CNTNAP2: variants seen among roughly 807,000 people sequenced by gnomAD.
The protein encoded by CNTNAP2 is contactin-associated protein-like 2.
A neutral mutation model predicts 155.2 loss-of-function variants in CNTNAP2; 98 were observed. The observed-to-expected ratio is 0.63, with a 90% confidence interval of 0.54 to 0.75. The LOEUF is 0.75. Ranked by LOEUF, CNTNAP2 falls within the 30% of genes least tolerant of loss-of-function variation. CNTNAP2 has a pLI of 0.00. For synonymous variants in CNTNAP2, 651 were observed against 631.2 expected (o/e 1.03, Z -0.47); for missense variants, 1,727 against 1,688.1 (o/e 1.02, Z -0.40).
chr7:146,164,614 C>T (rs1388804087), intron 1 of CNTNAP2, among the ~76,000 whole-genome samples: 2 of 152,170 alleles, frequency 1.3e-5, no homozygotes, highest in Non-Finnish European at 2.9e-5. Context: ...TCTCAGTTTC[C>T]TTCTCATTTG....
At chr7:147,590,486 G>A (rs938832552) in intron 12 of CNTNAP2, among the ~76,000 whole-genome samples, 1 of 152,102 alleles carries the variant, frequency 6.6e-6, no homozygotes, top group Non-Finnish European at 1.5e-5. Flanking sequence ...CTGTGAAGAG[G>A]TGCCTTCCGC....
At chr7:148,214,314 G>A (rs1157089759) in intron 18 of CNTNAP2, among the ~76,000 whole-genome samples, 3 of 152,208 alleles carry the variant, frequency 2.0e-5, no homozygotes, top group Admixed American at 6.5e-5. Context: ...CATTTAGGTA[G>A]TGAGATGGGG....
intron 2 of CNTNAP2, among the ~76,000 whole-genome samples, chr7:146,813,007 G>T (rs1254129871): frequency 6.6e-6 from 1 of 152,206 alleles, no homozygotes; most frequent in Non-Finnish European, 1.5e-5. Flanking sequence ...AAGAACTGAG[G>T]TTTGAGAACC....
chr7:146,622,710 A>T (rs1364043765), intron 1 of CNTNAP2, among the ~76,000 whole-genome samples: 2 of 152,030 alleles, frequency 1.3e-5, no homozygotes, highest in African/African-American at 4.8e-5. Context: ...TAATCCTAGC[A>T]CTTTGGGAGG....
chr7:147,413,794 C>T (rs1339414363), intron 10 of CNTNAP2, among the ~76,000 whole-genome samples: 1 of 152,124 alleles, frequency 6.6e-6, no homozygotes, highest in Non-Finnish European at 1.5e-5. Flanking sequence ...CCAGCCTCTG[C>T]ATCTGGGCCC....
intron 1 of CNTNAP2, among the ~76,000 whole-genome samples, chr7:146,398,303 G>GCTAGGA (rs1795663757): frequency 1.3e-5 from 2 of 151,394 alleles, no homozygotes; most frequent in African/African-American, 4.9e-5. Flanking sequence ...AGGAATCAGG[G>GCTAGGA]AACTTATAAT....
At chr7:146,403,772 A>C (rs932751576) in intron 1 of CNTNAP2, among the ~76,000 whole-genome samples, 2 of 152,146 alleles carry the variant, frequency 1.3e-5, no homozygotes, top group Admixed American at 6.5e-5. Flanking sequence ...ACCTCTCCAA[A>C]CATAGGTCTA....
intron 1 of CNTNAP2, among the ~76,000 whole-genome samples, chr7:146,557,865 G>C (rs1798219926): frequency 6.6e-6 from 1 of 152,138 alleles, no homozygotes; most frequent in African/African-American, 2.4e-5. Context: ...TTAGAGGTGA[G>C]AGTTATAGTT....
intron 3 of CNTNAP2, among the ~76,000 whole-genome samples, chr7:147,037,890 C>T (rs1230832570): frequency 6.6e-6 from 1 of 152,158 alleles, no homozygotes; most frequent in Non-Finnish European, 1.5e-5. Context: ...CATATATTTA[C>T]AGCTTTGTAA....
In CNTNAP2 at chr7:146,610,811, T is replaced by C. The variant is rs546752075; in HGVS notation, c.98-163460T>C. On this transcript the variant is annotated intron_variant, in intron 1 of 23. Coordinates refer to ENST00000361727, the MANE Select transcript of CNTNAP2 (RefSeq NM_014141.6). Reference sequence around the variant, plus strand: ...TTTAACACGTAAACCTATCCTGAATTGGAATATGTTTTGAAAATGTTCCAT... The same window carrying C: ...TTTAACACGTAAACCTATCCTGAATCGGAATATGTTTTGAAAATGTTCCAT... Among the ~76,000 whole-genome samples the C allele has an allele frequency of 3.8e-4, 58 of 152,292 alleles. No homozygotes were observed. The South Asian group carries it at 4.1e-3, about 11-fold the overall frequency.
chr7:147,267,933 C>T (rs898498837), intron 8 of CNTNAP2, among the ~76,000 whole-genome samples: 2 of 152,148 alleles, frequency 1.3e-5, no homozygotes, highest in South Asian at 4.1e-4. Flanking sequence ...GTCCCTGTGA[C>T]ATTTCTGGTC....
chr7:147,950,105 G>C (rs1358991818), intron 14 of CNTNAP2, among the ~76,000 whole-genome samples: 1 of 151,872 alleles, frequency 6.6e-6, no homozygotes, highest in African/African-American at 2.4e-5. Context: ...CAGAATCCTG[G>C]GGGGTGTTTC....
At chr7:147,456,657 T>C (rs750510744) in intron 10 of CNTNAP2, among the ~76,000 whole-genome samples, 2 of 152,000 alleles carry the variant, frequency 1.3e-5, no homozygotes, top group Non-Finnish European at 2.9e-5. Context: ...TGTGAAGCAG[T>C]ACTTTAGAAA....
intron 2 of CNTNAP2, among the ~76,000 whole-genome samples, chr7:146,791,582 G>A (rs770739477): frequency 3.3e-5 from 5 of 152,194 alleles, no homozygotes; most frequent in Non-Finnish European, 7.3e-5. Flanking sequence ...CACACAGTCA[G>A]TGGTTATGAC....
At chr7:147,686,253 T>C (rs1796016694) in intron 13 of CNTNAP2, among the ~76,000 whole-genome samples, 1 of 151,880 alleles carries the variant, frequency 6.6e-6, no homozygotes, top group African/African-American at 2.4e-5. Flanking sequence ...CAATATGAAA[T>C]ATGACAGAAA....
intron 12 of CNTNAP2, among the ~76,000 whole-genome samples, chr7:147,594,377 C>G (rs1324941825): frequency 6.6e-6 from 1 of 152,094 alleles, no homozygotes; most frequent in Non-Finnish European, 1.5e-5. Context: ...GGAGAAGTTC[C>G]CACCAGTCCT....
At chr7:148,267,227 C>T in intron 21 of CNTNAP2, 101 bp downstream of exon 21, 1 of 1,014,410 alleles carries the variant, frequency 9.9e-7, no homozygotes. Flanking sequence ...CTTACTGGGG[C>T]CAGTCACGAA....
intron 3 of CNTNAP2, among the ~76,000 whole-genome samples, chr7:146,906,441 G>T (rs976050576): frequency 1.3e-5 from 2 of 152,086 alleles, no homozygotes; most frequent in Non-Finnish European, 2.9e-5. Context: ...CTCCCAGCAC[G>T]CAGCTGGAGA....
At chr7:147,906,859 T>C (rs1330339581) in intron 14 of CNTNAP2, among the ~76,000 whole-genome samples, 1 of 152,146 alleles carries the variant, frequency 6.6e-6, no homozygotes, top group Admixed American at 6.5e-5. Flanking sequence ...ATTCCACCCT[T>C]ATTCCCAGAC....
Sources: allele counts gnomAD v4.1 joint callset (sites outside exome capture counted in the v4.1 genomes callset), GRCh38; gene constraint gnomAD v4.1.1; transcripts MANE v1.5; gene names NCBI Gene and HGNC (gene_info 2026-07-23, HGNC 2026-07-21).